The following COL12A1 variants were observed in gnomAD, a reference collection of about 807,000 sequenced individuals.
The protein encoded by COL12A1 is collagen alpha-1(XII) chain.
COL12A1 carries 114 observed loss-of-function variants against 349.7 expected under a neutral mutation model. The observed-to-expected ratio is 0.33, with a 90% CI of 0.28 to 0.38. The LOEUF is 0.38. COL12A1 is among the 10% of genes least tolerant of loss of function. COL12A1 has a pLI of 1.00. For missense variants in COL12A1, 3,284 were observed against 3,756.9 expected (o/e 0.87, Z 3.29); for synonymous variants, 1,369 against 1,329.0 (o/e 1.03, Z -0.66).
intron 8 of COL12A1, among the ~76,000 whole-genome samples, chr6:75,186,647 A>C (rs1769637971): frequency 6.6e-6 from 1 of 152,180 alleles, no homozygotes. Flanking sequence ...AAATCATCCT[A>C]TTATAAAGAT....
chr6:75,091,599 T>C, intron 60 of COL12A1, 74 bp from the exon 61 acceptor site: 1 of 1,402,836 alleles, frequency 7.1e-7, no homozygotes, highest in Non-Finnish European at 1.0e-6. Flanking sequence ...GACATAATGA[T>C]GAACGAGAAC....
chr6:75,113,285 G>A lies in COL12A1; in HGVS notation c.7869C>T (p.Asn2623=), dbSNP rs201337277. 3 of 1,557,474 alleles carry A rather than the reference G, an allele frequency of 1.9e-6. No homozygotes were observed. The African/African-American group carries it at 4.2e-5, about 22-fold the overall frequency. The change falls in exon 51 of 66, where the codon AAC becomes AAT. Residue 2623 remains asparagine (N), a synonymous_variant. Coordinates refer to ENST00000322507, the MANE Select transcript of COL12A1 (RefSeq NM_004370.6). ...DPSSKTLSFF[N]KDTRGEVQTV... is the part of the protein sequence containing the mutation. ...TTTGCACCTCGCCTCTTGTATCCTT[G>A]TTAAAGAATGATAACGTCTTGCTAG...
intron 60 of COL12A1, among the ~76,000 whole-genome samples, chr6:75,094,698 G>A (rs571061150): frequency 3.4e-4 from 51 of 152,198 alleles, no homozygotes; most frequent in Non-Finnish European, 5.7e-4. Context: ...TGGAAAGCTG[G>A]ATAATGCCAC....
At chr6:75,174,331 C>T (rs914978999) in intron 13 of COL12A1, among the ~76,000 whole-genome samples, 5 of 151,890 alleles carry the variant, frequency 3.3e-5, no homozygotes, top group African/African-American at 4.8e-5. Context: ...CCGAGGCGGG[C>T]GGATCACGAG....
chr6:75,106,589 A>C, intron 52 of COL12A1, 93 bp from the exon 53 acceptor site: 1 of 1,048,868 alleles, frequency 9.5e-7, no homozygotes, highest in Admixed American at 1.9e-5. Context: ...CTTCTCACAC[A>C]TACTCTCTCA....
chr6:75,166,667 A>G (rs1162591410), intron 13 of COL12A1, among the ~76,000 whole-genome samples: 1 of 152,154 alleles, frequency 6.6e-6, no homozygotes, highest in African/African-American at 2.4e-5. Flanking sequence ...ATACAAATCT[A>G]TCTGCTTCCC....
In COL12A1 at chr6:75,117,688, CT is replaced by C. The variant is rs1233392223; in HGVS notation, c.7355-143del. The C allele has an allele frequency of 6.1e-5, 44 of 721,144 alleles. No homozygotes were observed. The East Asian group carries it at 6.7e-4, about 11-fold the overall frequency. 44.7% of individuals were successfully genotyped at this position (721,144 alleles called of 1,614,324 possible). A position where few individuals can be genotyped will look rare whatever the true frequency, so the allele number is the denominator to read the frequency against. On this transcript the variant is annotated intron_variant, in intron 46 of 65. Transcript: ENST00000322507. ...AGTCCTTTTACTTGACGTGAACTCT[CT>C]TTAATAAATACATACTTTTTCCAGG...
intron 23 of COL12A1, 109 bp from the exon 24 acceptor site, chr6:75,146,353 T>G (rs570000879): frequency 8.5e-7 from 1 of 1,178,120 alleles, no homozygotes; most frequent in African/African-American, 1.6e-5. Context: ...GACAGTGGGT[T>G]ACTGTGAGAA....
Position 75,120,134 on chromosome 6 carries a change from A to C in COL12A1, c.7087-661T>G, listed in dbSNP as rs576037031. On this transcript the variant is annotated intron_variant, in intron 44 of 65. Transcript: ENST00000322507. ...AAGTAACTGGTACATAGATGTTAAT[A>C]AAATATGATCAGTATTTTTTTTAGA... 1.8e-4 allele frequency among the ~76,000 whole-genome samples: 27 copies of C among 152,336 alleles called. No homozygotes were observed. The South Asian group carries it at 5.6e-3, about 32-fold the overall frequency.
intron 14 of COL12A1, among the ~76,000 whole-genome samples, chr6:75,160,072 C>G (rs972112879): frequency 6.6e-6 from 1 of 151,732 alleles, no homozygotes; most frequent in East Asian, 1.9e-4. Flanking sequence ...AAAAAAAAAC[C>G]CTTGTTGGTT....
At chr6:75,180,824 T>C in intron 11 of COL12A1, 115 bp downstream of exon 11, 1 of 1,255,928 alleles carries the variant, frequency 8.0e-7, no homozygotes, top group Non-Finnish European at 1.1e-6. Flanking sequence ...ATGCCAAATC[T>C]TACAAAGGCA....
At chr6:75,148,233 T>C in intron 22 of COL12A1, 125 bp downstream of exon 22, 1 of 903,082 alleles carries the variant, frequency 1.1e-6, no homozygotes, top group East Asian at 2.6e-5. Flanking sequence ...AAAGCACTAT[T>C]CTTGACTCAT....
At chr6:75,149,919 T>C (rs2300792) in intron 21 of COL12A1, among the ~76,000 whole-genome samples, 2,311 of 152,242 alleles carry the variant, frequency 0.015, 75 homozygotes, top group East Asian at 0.14. Flanking sequence ...CTCTCTCAGC[T>C]AATCAAGAGC....
In COL12A1 at chr6:75,148,404, C is replaced by T. The variant is rs769711983; in HGVS notation, c.4241G>A (p.Arg1414Gln). The change falls in exon 22 of 66, where the codon CGA becomes CAA. Residue 1414 changes from arginine (R) to glutamine (Q), a missense_variant. Transcript: ENST00000322507. ...AACTGGATAGTATTCCACCTTATAT[C>T]GATCCACACTGTCAGAAGGTGGTGT... ...SWTPPSDSVD[R>Q]YKVEYYPVSG... The T allele has an allele frequency of 8.1e-6, 13 of 1,612,440 alleles. No homozygotes were observed. Among genetic ancestry groups the T allele is most frequent in the Admixed American group, 3.3e-5 (2 of 59,914 alleles).
chr6:75,156,021 A>C (rs1284465190), intron 15 of COL12A1, among the ~76,000 whole-genome samples, 167 bp from the exon 16 acceptor site: 1 of 152,248 alleles, frequency 6.6e-6, no homozygotes, highest in Admixed American at 6.5e-5. Flanking sequence ...GCTAAGTAGA[A>C]GTGTAAATAA....
chr6:75,087,504 T>C (rs1388300081), intron 65 of COL12A1, 73 bp downstream of exon 65: 1 of 1,489,770 alleles, frequency 6.7e-7, no homozygotes, highest in Non-Finnish European at 9.3e-7. Flanking sequence ...CTTCCTTCAA[T>C]CCTAAGGAAC....
intron 30 of COL12A1, among the ~76,000 whole-genome samples, chr6:75,137,824 G>A (rs770852692): frequency 5.9e-5 from 9 of 152,128 alleles, no homozygotes; most frequent in Non-Finnish European, 1.2e-4. Flanking sequence ...TGAGAGATGG[G>A]GCCTTTGGGT....
chr6:75,203,378 C>G (rs2149493241), intron 1 of COL12A1, among the ~76,000 whole-genome samples: 1 of 152,270 alleles, frequency 6.6e-6, no homozygotes, highest in South Asian at 2.1e-4. Flanking sequence ...TAAGGCCCAG[C>G]TGAAACCTGA....
chr6:75,155,659 T>A lies in COL12A1; in HGVS notation c.3443+3A>T, dbSNP rs1274777967. The A allele has an allele frequency of 6.3e-7, 1 of 1,596,476 alleles. No individual in the cohort carries two copies. On this transcript the variant is annotated splice_donor_region_variant and intron_variant, in intron 16 of 65. Transcript: ENST00000322507. ...CTTTGATACAAACGTAGTTAATTCCTACCTAAGTTCCTCCAAAACAACTGT... is the reference window on the plus strand; with the variant it reads ...CTTTGATACAAACGTAGTTAATTCCAACCTAAGTTCCTCCAAAACAACTGT...
Sources: allele counts gnomAD v4.1 joint callset (sites outside exome capture counted in the v4.1 genomes callset), GRCh38; gene constraint gnomAD v4.1.1; transcripts MANE v1.5; gene names NCBI Gene and HGNC (gene_info 2026-07-23, HGNC 2026-07-21).